The following WASF2 variants were observed in gnomAD, a reference collection of about 807,000 sequenced individuals.
WASF2 encodes the protein WASP family member 2, also known as actin-binding protein WASF2.
In WASF2, 14 loss-of-function variants were observed where a neutral mutation model predicts 45.0. That is an observed-to-expected ratio of 0.31 (90% CI 0.21 to 0.49). The LOEUF is 0.49. WASF2 is among the 20% of genes least tolerant of loss of function. WASF2 has a pLI of 0.99. For missense variants in WASF2, 439 were observed against 636.1 expected, an observed-to-expected ratio of 0.69 and a Z score of 3.33; for synonymous variants, 200 against 236.3, an observed-to-expected ratio of 0.85 and a Z score of 1.41.
At chr1:27,487,469 A>T (rs1245736214) in intron 1 of WASF2, among the ~76,000 whole-genome samples, 1 of 117,914 alleles carries the variant, frequency 8.5e-6, no homozygotes, top group Non-Finnish European at 1.7e-5. Context: ...TTATATAAAT[A>T]TATTTTATAT....
At chr1:27,444,683 A>T (rs2017289063) in intron 1 of WASF2, among the ~76,000 whole-genome samples, 1 of 152,236 alleles carries the variant, frequency 6.6e-6, no homozygotes, top group Admixed American at 6.5e-5. Context: ...GGAGACAAAT[A>T]CTGAAAAAGA....
At position 27,410,564 on chromosome 1, in the gene WASF2, G is replaced by A. The variant is rs1027809004; in HGVS notation, c.825-358C>T. On this transcript the variant is annotated intron_variant, in intron 7 of 8. Coordinates refer to ENST00000618852, the MANE Select transcript of WASF2 (RefSeq NM_006990.5). The surrounding 1 kb of genome is among the most constrained non-coding windows in gnomAD (Gnocchi z 4.2). The stretch of plus-strand genomic sequence containing the variant: ...CTCCCTCCCCTTCCCTAAGAAGGAT[G>A]GTCCATGGCAGTTGCTAGTTTAATC... Among the ~76,000 whole-genome samples the A allele has an allele frequency of 1.3e-5, 2 of 152,142 alleles. No homozygotes were observed. The highest frequency in any genetic ancestry group is 2.9e-5 in the Non-Finnish European group (2 of 68,016).
chr1:27,487,520 ATAT>A (rs2017950727), intron 1 of WASF2, among the ~76,000 whole-genome samples: 1 of 111,526 alleles, frequency 9.0e-6, no homozygotes, highest in African/African-American at 3.5e-5. Flanking sequence ...GTTATATTAT[ATAT>A]ATTTTATACA....
At position 27,450,254 on chromosome 1, in the gene WASF2, G is replaced by T. The variant is rs376010787; in HGVS notation, c.-43-21321C>A. On this transcript the variant is annotated intron_variant, in intron 1 of 8. Transcript: ENST00000618852. ...GCTCTTACTCCCTAATGTAAAGAGA[G>T]AAAAATGATAGTTATCAGCCAAGAA... 2.6e-5 allele frequency among the ~76,000 whole-genome samples: 4 copies of T among 152,120 alleles called. No individual in the cohort carries two copies. In the East Asian group the frequency reaches 5.8e-4, roughly 22 times the overall value.
chr1:27,451,724 A>G (rs1292378379), intron 1 of WASF2, among the ~76,000 whole-genome samples: 1 of 152,204 alleles, frequency 6.6e-6, no homozygotes, highest in Non-Finnish European at 1.5e-5. Flanking sequence ...AGGATGCTAC[A>G]AAGTGTGCTA....
chr1:27,424,327 G>A (rs1417162713), intron 2 of WASF2, among the ~76,000 whole-genome samples: 1 of 152,046 alleles, frequency 6.6e-6, no homozygotes, highest in Admixed American at 6.6e-5. Context: ...CCTTGACCCC[G>A]CCTATCCCTA....
intron 1 of WASF2, among the ~76,000 whole-genome samples, chr1:27,472,614 CACT>C (rs2148138610): frequency 7.1e-6 from 1 of 140,198 alleles, no homozygotes; most frequent in African/African-American, 2.7e-5. Context: ...AGCACTCCAG[CACT>C]CCAGCCTGGG....
intron 8 of WASF2, among the ~76,000 whole-genome samples, chr1:27,408,786 T>C (rs2016714542): frequency 6.8e-6 from 1 of 147,292 alleles, no homozygotes; most frequent in Non-Finnish European, 1.5e-5. Context: ...ATAGAATAAA[T>C]GCTCCAATGT....
chr1:27,454,168 TATATATATATATATA>T (rs1412087871), intron 1 of WASF2, among the ~76,000 whole-genome samples: 3 of 21,896 alleles, frequency 1.4e-4, no homozygotes, highest in East Asian at 4.3e-3. Flanking sequence ...TATATATATA[TATATATATATATATA>T]TATATTTTTT....
intron 1 of WASF2, among the ~76,000 whole-genome samples, chr1:27,446,331 TA>T (rs1006766400): frequency 1.4e-4 from 22 of 152,178 alleles, no homozygotes; most frequent in African/African-American, 5.3e-4. Context: ...GAGGGGCAAT[TA>T]AATACCACCT....
chr1:27,417,697 T>C lies in WASF2; in HGVS notation c.419+572A>G, dbSNP rs115254344. Among the ~76,000 whole-genome samples, 1,150 of 152,220 alleles carry C rather than the reference T, an allele frequency of 7.6e-3. 15 individuals are homozygous for C. The highest frequency in any genetic ancestry group is 0.026 in the African/African-American group (1,077 of 41,530). On this transcript the variant is annotated intron_variant, in intron 4 of 8. Coordinates refer to ENST00000618852, the MANE Select transcript of WASF2 (RefSeq NM_006990.5). The stretch of plus-strand genomic sequence containing the variant: ...TTTTTCAAGTCCAGGCACAGCAGAG[T>C]AGGTCCTTACAGAAGGAAATGTCCA...
At chr1:27,464,378 G>T (rs9438518) in intron 1 of WASF2, among the ~76,000 whole-genome samples, 27,165 of 150,844 alleles carry the variant, frequency 0.18, 3,502 homozygotes, top group East Asian at 0.38. Flanking sequence ...AGAGGAAAAC[G>T]GTCTCAAAAA....
chr1:27,469,950 A>G (rs1047064939), intron 1 of WASF2, among the ~76,000 whole-genome samples: 1 of 152,226 alleles, frequency 6.6e-6, no homozygotes, highest in African/African-American at 2.4e-5. Flanking sequence ...TGTCAAAAAA[A>G]AAAAGGTGAA....
chr1:27,410,318 C>T lies in WASF2; in HGVS notation c.825-112G>A. ...TATCTTGGTTGACTATACCATTTCACTTTCACTTAAACAGAAAGAAAAGCC... is the reference window on the plus strand; with the variant it reads ...TATCTTGGTTGACTATACCATTTCATTTTCACTTAAACAGAAAGAAAAGCC... On this transcript the variant is annotated intron_variant, in intron 7 of 8. Transcript: ENST00000618852. The surrounding 1 kb of genome is among the most constrained non-coding windows in gnomAD (Gnocchi z 4.2). 2 of 1,490,352 alleles carry T rather than the reference C, an allele frequency of 1.3e-6. No homozygotes were observed. The highest frequency in any genetic ancestry group is 2.4e-5 in the East Asian group (1 of 41,610). 92.3% of individuals were successfully genotyped at this position (1,490,352 alleles called of 1,614,324 possible). A position where few individuals can be genotyped will look rare whatever the true frequency, so the allele number is the denominator to read the frequency against.
intron 2 of WASF2, among the ~76,000 whole-genome samples, chr1:27,422,685 T>C (rs1359562388): frequency 1.3e-5 from 2 of 151,036 alleles, no homozygotes; most frequent in African/African-American, 4.9e-5. Flanking sequence ...CGTGTACTCA[T>C]CAGCAAGTCA....
chr1:27,412,816 T>C, intron 6 of WASF2, 89 bp from the exon 7 acceptor site: 2 of 1,468,812 alleles, frequency 1.4e-6, no homozygotes, highest in Non-Finnish European at 1.9e-6. Flanking sequence ...ATGCATTTGA[T>C]ACAAAAGCTA....
intron 1 of WASF2, among the ~76,000 whole-genome samples, chr1:27,469,904 A>G (rs2017666920): frequency 2.0e-5 from 3 of 152,102 alleles, no homozygotes; most frequent in Admixed American, 2.0e-4. Context: ...AGATCGCACC[A>G]CCACACTCCA....
At chr1:27,420,165 G>A (rs541960998) in intron 2 of WASF2, among the ~76,000 whole-genome samples, 10 of 152,062 alleles carry the variant, frequency 6.6e-5, no homozygotes, top group African/African-American at 2.4e-4. Context: ...TTGGCCTCCC[G>A]AAGTGCTGGG....
At chr1:27,451,740 G>A (rs2017385672) in intron 1 of WASF2, among the ~76,000 whole-genome samples, 1 of 152,086 alleles carries the variant, frequency 6.6e-6, no homozygotes, top group Non-Finnish European at 1.5e-5. Flanking sequence ...TGCTATACTG[G>A]GTTTGAAAGA....
Sources: gnomAD v4.1 joint callset for allele counts (sites outside exome capture counted in the v4.1 genomes callset) on GRCh38, gnomAD v4.1.1 for gene constraint, Gnocchi (gnomAD v3.1) non-coding constraint, MANE v1.5 for transcripts, NCBI Gene and HGNC (gene_info 2026-07-23, HGNC 2026-07-21) for gene names.